Variants in TRAPPC6B observed in about 807,000 individuals in gnomAD.
TRAPPC6B encodes trafficking protein particle complex subunit 6B.
TRAPPC6B carries 27 observed loss-of-function variants against 24.7 expected under a neutral mutation model. The ratio of observed to expected loss-of-function variants is 1.09; its 90% confidence interval spans 0.81 to 1.51. The LOEUF (loss-of-function observed/expected upper bound fraction) is 1.51. Ranked by LOEUF, TRAPPC6B falls within the 40% of genes most tolerant of loss-of-function variation. The pLI is 0.00. For missense variants in TRAPPC6B, 212 were observed against 190.8 expected (o/e 1.11, Z -0.66); for synonymous variants, 80 against 66.6 (o/e 1.20, Z -0.98).
chr14:39,159,443 AACCT>A (rs1417127035), intron 2 of TRAPPC6B, 36 bp downstream of exon 2: 9 of 1,452,118 alleles, frequency 6.2e-6, no homozygotes, highest in African/African-American at 1.4e-5. Context: ...CTTTGTTTAT[AACCT>A]ACCTGCAAGA....
chr14:39,168,289 C>CA (rs2053129690), intron 1 of TRAPPC6B, among the ~76,000 whole-genome samples: 1 of 149,432 alleles, frequency 6.7e-6, no homozygotes, highest in African/African-American at 2.5e-5. Flanking sequence ...ACTGAATACG[C>CA]AAGTGGTTTG....
chr14:39,159,021 A>C (rs2053021066), intron 2 of TRAPPC6B: 1 of 152,444 alleles, frequency 6.6e-6, no homozygotes, highest in African/African-American at 2.4e-5. Flanking sequence ...TGTTATATAA[A>C]ATATACTCCG....
chr14:39,166,814 A>C (rs982839350), intron 1 of TRAPPC6B, among the ~76,000 whole-genome samples: 1 of 146,696 alleles, frequency 6.8e-6, no homozygotes, highest in Non-Finnish European at 1.5e-5. Flanking sequence ...TCTGGCCCCC[A>C]CCTCTGTAAC....
In TRAPPC6B at chr14:39,150,215, G is replaced by A; in HGVS notation, c.*135C>T. The A allele has an allele frequency of 1.3e-6, 1 of 752,524 alleles. No homozygotes were observed. The highest frequency in any genetic ancestry group is 2.1e-6 in the Non-Finnish European group (1 of 469,362). The allele number at this position is 752,524 out of a possible 1,614,324, so 46.6% of individuals were successfully genotyped here. The stretch of plus-strand genomic sequence containing the variant: ...AATGTCCCTTCATCTCCTTTGATCT[G>A]TGTTAAATTGATAAAAATACATGCT... On this transcript the variant is annotated 3_prime_UTR_variant, in exon 6 of 6. Coordinates refer to ENST00000330149, the MANE Select transcript of TRAPPC6B (RefSeq NM_001079537.2).
rs1438830911 is a variant in TRAPPC6B, at chr14:39,149,376, T to C, written c.*974A>G. 1.3e-5 allele frequency: 2 copies of C among 152,184 alleles called. No homozygotes were observed. The highest frequency in any genetic ancestry group is 2.4e-5 in the African/African-American group (1 of 41,446). 9.4% of individuals were successfully genotyped at this position (152,184 alleles called of 1,614,324 possible). ...TAATAAATAAATGGGAAACAAAGTA[T>C]AGTTTTAGTAATCAACATGCAAGAT... On this transcript the variant is annotated 3_prime_UTR_variant, in exon 6 of 6. Coordinates refer to ENST00000330149, the MANE Select transcript of TRAPPC6B (RefSeq NM_001079537.2).
Position 39,170,310 on chromosome 14 carries a change from A to G in TRAPPC6B, c.-215T>C. 1 of 568,466 alleles carries G rather than the reference A, an allele frequency of 1.8e-6. No individual in the cohort carries two copies. Among genetic ancestry groups the G allele is most frequent in the Non-Finnish European group, 3.1e-6 (1 of 323,132 alleles). The allele number at this position is 568,466 out of a possible 1,614,324, so 35.2% of individuals were successfully genotyped here. On this transcript the variant is annotated 5_prime_UTR_variant, in exon 1 of 6. Coordinates refer to ENST00000330149, the MANE Select transcript of TRAPPC6B (RefSeq NM_001079537.2). ...GAGAGCCCACACTTCGGGGCTACCA[A>G]ATCCTAGGGCCGAACTAAAGTCTGA...
intron 1 of TRAPPC6B, among the ~76,000 whole-genome samples, chr14:39,162,850 C>T (rs1184535090): frequency 6.6e-6 from 1 of 152,152 alleles, no homozygotes; most frequent in Non-Finnish European, 1.5e-5. Flanking sequence ...AATCCAGACC[C>T]CATACCTCTC....
Position 39,170,305 on chromosome 14 carries a change from T to TC in TRAPPC6B, c.-211_-210insG. 1 of 568,334 alleles carries TC rather than the reference T, an allele frequency of 1.8e-6. No individual in the cohort carries two copies. The highest frequency in any genetic ancestry group is 3.1e-5 in the East Asian group (1 of 32,678). The allele number at this position is 568,334 out of a possible 1,614,324, so 35.2% of individuals were successfully genotyped here. A position where few individuals can be genotyped will look rare whatever the true frequency, so the allele number is the denominator to read the frequency against. ...CTGGAGAGAGCCCACACTTCGGGGCTACCAAATCCTAGGGCCGAACTAAAG... is the reference window on the plus strand; with the variant it reads ...CTGGAGAGAGCCCACACTTCGGGGCTCACCAAATCCTAGGGCCGAACTAAAG... On this transcript the variant is annotated 5_prime_UTR_variant, in exon 1 of 6. Coordinates refer to ENST00000330149, the MANE Select transcript of TRAPPC6B (RefSeq NM_001079537.2).
chr14:39,151,646 A>T, intron 5 of TRAPPC6B, 100 bp downstream of exon 5: 1 of 836,798 alleles, frequency 1.2e-6, no homozygotes, highest in Non-Finnish European at 1.9e-6. Context: ...CTAAAATGAA[A>T]GTTTCAGCAT....
intron 1 of TRAPPC6B, among the ~76,000 whole-genome samples, chr14:39,161,881 G>A (rs1246911456): frequency 1.3e-5 from 2 of 152,194 alleles, no homozygotes; most frequent in African/African-American, 2.4e-5. Flanking sequence ...CTGGTAACGA[G>A]AATCTCTAGA....
intron 1 of TRAPPC6B, among the ~76,000 whole-genome samples, chr14:39,164,540 C>T (rs1179578615): frequency 6.6e-6 from 1 of 152,072 alleles, no homozygotes; most frequent in Non-Finnish European, 1.5e-5. Context: ...ACCTGCTCCC[C>T]TTTCTTCAAA....
At position 39,159,670 on chromosome 14, in the gene TRAPPC6B, A is replaced by C. The variant is rs979456436; in HGVS notation, c.82-120T>G. ...AAACATTTATACTTTTTTCCCTGAAACAGTTTAAGAAAAAGTGAATTATAA... is the reference window on the plus strand; with the variant it reads ...AAACATTTATACTTTTTTCCCTGAACCAGTTTAAGAAAAAGTGAATTATAA... On this transcript the variant is annotated intron_variant, in intron 1 of 5. Coordinates refer to ENST00000330149, the MANE Select transcript of TRAPPC6B (RefSeq NM_001079537.2). The C allele has an allele frequency of 5.0e-6, 3 of 599,472 alleles. No homozygotes were observed. The African/African-American group carries it at 5.8e-5, about 12-fold the overall frequency. The allele number at this position is 599,472 out of a possible 1,614,324, so 37.1% of individuals were successfully genotyped here.
intron 3 of TRAPPC6B, among the ~76,000 whole-genome samples, chr14:39,155,790 G>A (rs2052971253): frequency 6.6e-6 from 1 of 152,092 alleles, no homozygotes; most frequent in South Asian, 2.1e-4. Flanking sequence ...GCCCACCTCG[G>A]CCTCCCAAAG....
chr14:39,169,995 G>T lies in TRAPPC6B; in HGVS notation c.81+20C>A. 3 of 1,613,122 alleles carry T rather than the reference G, an allele frequency of 1.9e-6. No individual in the cohort carries two copies. Among genetic ancestry groups the T allele is most frequent in the Non-Finnish European group, 2.5e-6 (3 of 1,179,130 alleles). On this transcript the variant is annotated intron_variant, in intron 1 of 5. Transcript: ENST00000330149. ...GTGTGTCACCGCAAAAGGACCTCAA[G>T]GTTGTGTGGCAGCACTCACCACCTC...
chr14:39,153,836 C>A (rs2052944363), intron 4 of TRAPPC6B, among the ~76,000 whole-genome samples: 2 of 151,914 alleles, frequency 1.3e-5, no homozygotes, highest in Admixed American at 1.3e-4. Context: ...TCCCGAATAG[C>A]TGGGATTGCA....
rs769272398 is a variant in TRAPPC6B at position 39,151,836 on chromosome 14, A to G, written c.355T>C (p.Leu119=). The G allele has an allele frequency of 1.9e-6, 3 of 1,594,636 alleles. No homozygotes were observed. The East Asian group carries it at 6.7e-5, about 36-fold the overall frequency. Residue 119 remains leucine (L), a synonymous_variant, in exon 5 of 6, where the codon TTA becomes CTA. Coordinates refer to ENST00000330149, the MANE Select transcript of TRAPPC6B (RefSeq NM_001079537.2). ...KQYLEHASKY[L]AFTCGLIRGG... is the part of the protein sequence containing the mutation. ...CTGATTAAGCCACACGTAAATGCTAAATACTAAAAGGAAAAAAAATCATTA... is the reference window on the plus strand; with the variant it reads ...CTGATTAAGCCACACGTAAATGCTAGATACTAAAAGGAAAAAAAATCATTA...
intron 1 of TRAPPC6B, among the ~76,000 whole-genome samples, chr14:39,168,333 G>T (rs140983618): frequency 4.0e-4 from 61 of 152,176 alleles, no homozygotes; most frequent in African/African-American, 1.4e-3. Flanking sequence ...AAAGTAAAAG[G>T]GGTGTGTTAA....
intron 1 of TRAPPC6B, among the ~76,000 whole-genome samples, chr14:39,165,101 A>G (rs2053094883): frequency 6.9e-6 from 1 of 144,108 alleles, no homozygotes; most frequent in Non-Finnish European, 1.5e-5. Flanking sequence ...GCTGGAGTGT[A>G]GTGGCGTGAT....
intron 1 of TRAPPC6B, among the ~76,000 whole-genome samples, chr14:39,164,188 T>C (rs1371196544): frequency 1.3e-5 from 2 of 152,140 alleles, no homozygotes; most frequent in Non-Finnish European, 2.9e-5. Flanking sequence ...CTAAAGTAAA[T>C]TTCTAAAAAA....
Sources: allele counts gnomAD v4.1 joint callset (sites outside exome capture counted in the v4.1 genomes callset), GRCh38; gene constraint gnomAD v4.1.1; transcripts MANE v1.5; gene names NCBI Gene and HGNC (gene_info 2026-07-23, HGNC 2026-07-21).